GNB1: variants seen among roughly 807,000 people sequenced by gnomAD.
The protein encoded by GNB1 is guanine nucleotide-binding protein G(I)/G(S)/G(T) subunit beta-1.
A neutral mutation model predicts 42.9 loss-of-function variants in GNB1; 2 were observed. That is an observed-to-expected ratio of 0.05 (90% CI 0.02 to 0.15). The LOEUF (loss-of-function observed/expected upper bound fraction) is 0.15. Among genes scored for constraint, GNB1 ranks in the 10% least tolerant of loss-of-function variants. GNB1 has a pLI of 1.00. For missense variants in GNB1, 193 were observed against 462.2 expected (o/e 0.42, Z 5.34); for synonymous variants, 183 against 174.7 (o/e 1.05, Z -0.38).
intron 1 of GNB1, among the ~76,000 whole-genome samples, chr1:1,863,125 G>A (rs1648724434): frequency 6.6e-6 from 1 of 152,114 alleles, no homozygotes. Context: ...TTCATCAGAT[G>A]AACACAATCC....
At chr1:1,819,670 C>G (rs1195416033) in intron 3 of GNB1, among the ~76,000 whole-genome samples, 1 of 151,696 alleles carries the variant, frequency 6.6e-6, no homozygotes, top group Non-Finnish European at 1.5e-5. Context: ...TCCTGAATAG[C>G]TGGGACTACA....
chr1:1,828,874 T>TAC (rs751652867), intron 2 of GNB1, among the ~76,000 whole-genome samples: 1 of 146,126 alleles, frequency 6.8e-6, no homozygotes, highest in Non-Finnish European at 1.5e-5. Context: ...AAACGCTGTG[T>TAC]ACACACACAC....
At chr1:1,855,216 G>C (rs1244377267) in intron 1 of GNB1, among the ~76,000 whole-genome samples, 1 of 150,248 alleles carries the variant, frequency 6.7e-6, no homozygotes, top group Non-Finnish European at 1.5e-5. Context: ...AGTTACTTGG[G>C]AGGCTGAGGC....
At chr1:1,851,238 A>T (rs953686887) in intron 1 of GNB1, among the ~76,000 whole-genome samples, 1 of 151,988 alleles carries the variant, frequency 6.6e-6, no homozygotes, top group Non-Finnish European at 1.5e-5. Flanking sequence ...TGGAGAAACC[A>T]TATCTCTACT....
chr1:1,790,321 G>T lies in GNB1; in HGVS notation c.699+74C>A. The T allele has an allele frequency of 1.9e-6, 2 of 1,036,764 alleles. No individual in the cohort carries two copies. Among genetic ancestry groups the T allele is most frequent in the Non-Finnish European group, 3.0e-6 (2 of 660,546 alleles). 64.2% of individuals were successfully genotyped at this position (1,036,764 alleles called of 1,614,324 possible). A position where few individuals can be genotyped will look rare whatever the true frequency, so the allele number is the denominator to read the frequency against. On this transcript the variant is annotated intron_variant, in intron 9 of 11. Transcript: ENST00000378609. This position sits in a 1 kb window ranked among gnomAD's most constrained non-coding sequence, Gnocchi z 5.4. ...AAAGGAGAACATCTAATCCAGAAAA[G>T]TTTAAAATTTAGCAATCTGAACGGC...
chr1:1,868,073 A>G (rs1024980814), intron 1 of GNB1, among the ~76,000 whole-genome samples: 1 of 152,238 alleles, frequency 6.6e-6, no homozygotes, highest in African/African-American at 2.4e-5. Flanking sequence ...ACATGCATAT[A>G]GGAATACTGC....
At chr1:1,806,111 T>C (rs1260849183) in intron 6 of GNB1, among the ~76,000 whole-genome samples, 1 of 152,200 alleles carries the variant, frequency 6.6e-6, no homozygotes, top group Non-Finnish European at 1.5e-5. Flanking sequence ...TGATCTCTTC[T>C]AAAAACTTGT....
chr1:1,822,213 T>C (rs971183217), intron 3 of GNB1, among the ~76,000 whole-genome samples: 5 of 152,226 alleles, frequency 3.3e-5, no homozygotes, highest in African/African-American at 4.8e-5. Context: ...TCTCAAGCTT[T>C]TGGGCTCATG....
chr1:1,864,573 G>A (rs1648819705), intron 1 of GNB1, among the ~76,000 whole-genome samples: 1 of 152,098 alleles, frequency 6.6e-6, no homozygotes, highest in South Asian at 2.1e-4. Flanking sequence ...GTGCCATGAG[G>A]AGCATGTTCC....
At chr1:1,800,258 T>C (rs1646605897) in intron 7 of GNB1, among the ~76,000 whole-genome samples, 1 of 152,220 alleles carries the variant, frequency 6.6e-6, no homozygotes. Context: ...AAGGCAGCTA[T>C]TAAACTCTCC....
chr1:1,824,035 G>C (rs1166119154), intron 3 of GNB1, among the ~76,000 whole-genome samples: 1 of 152,038 alleles, frequency 6.6e-6, no homozygotes, highest in Non-Finnish European at 1.5e-5. Context: ...CTGTTATTTA[G>C]GTATGTACTG....
rs530807876 is a variant in GNB1 at position 1,799,573 on chromosome 1, A to C, written c.430+4846T>G. On this transcript the variant is annotated intron_variant, in intron 7 of 11. Coordinates refer to ENST00000378609, the MANE Select transcript of GNB1 (RefSeq NM_002074.5). ...GTGTGAGCTGCCTGGCTGGACTCCC[A>C]GCGATGGCCAGGGGCTCCTATCTGT... 4.4e-4 allele frequency among the ~76,000 whole-genome samples: 67 copies of C among 152,332 alleles called. 1 individual carries two copies. The highest frequency in any genetic ancestry group is 1.6e-3 in the African/African-American group (67 of 41,572).
chr1:1,840,774 G>A (rs1250252424), intron 1 of GNB1, among the ~76,000 whole-genome samples: 1 of 152,268 alleles, frequency 6.6e-6, no homozygotes, highest in Non-Finnish European at 1.5e-5. Context: ...TGGTGCCCAG[G>A]AAGGTGGCTT....
chr1:1,806,930 T>C (rs1428302237), intron 5 of GNB1, among the ~76,000 whole-genome samples: 1 of 152,010 alleles, frequency 6.6e-6, no homozygotes, highest in Non-Finnish European at 1.5e-5. Context: ...GCCACAATCA[T>C]GCCACTGGAC....
intron 2 of GNB1, among the ~76,000 whole-genome samples, chr1:1,833,381 G>C (rs1647102412): frequency 6.6e-6 from 1 of 152,036 alleles, no homozygotes; most frequent in African/African-American, 2.4e-5. Context: ...GAATTCAAAG[G>C]GCAACGGAAA....
intron 5 of GNB1, among the ~76,000 whole-genome samples, chr1:1,806,945 G>C (rs1646703152): frequency 6.6e-6 from 1 of 152,138 alleles, no homozygotes; most frequent in Admixed American, 6.6e-5. Context: ...CTGGACACCA[G>C]CCTGGGCAAC....
chr1:1,864,330 A>G (rs1433409427), intron 1 of GNB1, among the ~76,000 whole-genome samples: 3 of 149,448 alleles, frequency 2.0e-5, no homozygotes, highest in Non-Finnish European at 3.0e-5. Context: ...AAAAAAAAAA[A>G]AAAAAAGAAG....
chr1:1,877,230 G>A (rs772262762), intron 1 of GNB1, among the ~76,000 whole-genome samples: 46 of 150,940 alleles, frequency 3.0e-4, no homozygotes, highest in Non-Finnish European at 5.0e-4. Context: ...AGCTGGGGAG[G>A]TGGAGGTTTC....
chr1:1,818,898 G>A (rs947961687), intron 3 of GNB1, among the ~76,000 whole-genome samples: 1 of 151,874 alleles, frequency 6.6e-6, no homozygotes, highest in African/African-American at 2.4e-5. Flanking sequence ...TAAAATAAAG[G>A]AAAACAAAGA....
Sources: gnomAD v4.1 joint callset for allele counts (sites outside exome capture counted in the v4.1 genomes callset) on GRCh38, gnomAD v4.1.1 for gene constraint, Gnocchi (gnomAD v3.1) non-coding constraint, MANE v1.5 for transcripts, NCBI Gene and HGNC (gene_info 2026-07-23, HGNC 2026-07-21) for gene names.